The following APBB2 variants were observed in gnomAD, a reference collection of about 807,000 sequenced individuals.
APBB2 encodes the protein Fe65-like 1.
Under a neutral mutation model 82.5 loss-of-function variants are expected in APBB2, and 38 were observed. The ratio of observed to expected loss-of-function variants is 0.46; its 90% CI spans 0.36 to 0.60. APBB2 has a LOEUF of 0.60. Among genes scored for constraint, APBB2 ranks in the 20% least tolerant of loss-of-function variants. The pLI is 0.00. For missense variants in APBB2, 772 were observed against 972.3 expected (o/e 0.79, Z 2.74); for synonymous variants, 341 against 368.2 (o/e 0.93, Z 0.85).
chr4:40,890,722 T>A (rs1771763365), intron 11 of APBB2: 3 of 447,258 alleles, frequency 6.7e-6, no homozygotes, highest in South Asian at 8.3e-5. Context: ...TGTGTCCCCA[T>A]CCTGCTTTCC....
chr4:40,946,254 A>AAAAACAAAAAAAAAC lies in APBB2; in HGVS notation c.836-1182_836-1181insGTTTTTTTTTGTTTT, dbSNP rs1553875174. On this transcript the variant is annotated intron_variant, in intron 6 of 17. Coordinates refer to ENST00000508593, the MANE Select transcript of APBB2 (RefSeq NM_004307.2). ...CTCCAAAAAAAAAAAAAAAAAAAAA[A>AAAAACAAAAAAAAAC]CATTCCCAAGGAAAGCAGATTGGAA... is the stretch of plus-strand genomic sequence containing the variant. 2.6e-5 allele frequency among the ~76,000 whole-genome samples: 3 copies of AAAAACAAAAAAAAAC among 114,612 alleles called. 1 individual carries two copies. The highest frequency in any genetic ancestry group is 3.0e-4 in the South Asian group (1 of 3,368). 75.2% of individuals were successfully genotyped at this position (114,612 alleles called of 152,430 possible).
rs145602568 is a variant in APBB2, at chr4:41,010,247, C to T, written c.835+3336G>A. On this transcript the variant is annotated intron_variant, in intron 6 of 17. Coordinates refer to ENST00000508593, the MANE Select transcript of APBB2 (RefSeq NM_004307.2). ...ATTTTTTAAAAACACAATCTCATTG[C>T]TTTTCGGTCACAGCTAATACATTTT... Among the ~76,000 whole-genome samples the T allele has an allele frequency of 2.3e-3, 355 of 152,260 alleles. 1 individual carries two copies. Among genetic ancestry groups the T allele is most frequent in the Non-Finnish European group, 4.2e-3 (289 of 68,010 alleles).
At chr4:40,982,703 A>G (rs1473237809) in intron 6 of APBB2, among the ~76,000 whole-genome samples, 1 of 152,010 alleles carries the variant, frequency 6.6e-6, no homozygotes, top group Non-Finnish European at 1.5e-5. Context: ...AGGCGGGAGG[A>G]TCACTTGAGC....
intron 4 of APBB2, among the ~76,000 whole-genome samples, chr4:41,056,413 A>G (rs553669186): frequency 1.1e-4 from 16 of 152,172 alleles, no homozygotes; most frequent in African/African-American, 3.9e-4. Context: ...TCTGAATTGC[A>G]TTCCTCCCCA....
At chr4:40,863,083 G>A (rs1243599396) in intron 12 of APBB2, among the ~76,000 whole-genome samples, 2 of 152,194 alleles carry the variant, frequency 1.3e-5, no homozygotes, top group Non-Finnish European at 2.9e-5. Context: ...ACTGGAGGAT[G>A]GGATGCTGCA....
At chr4:40,991,924 T>G (rs1042245526) in intron 6 of APBB2, among the ~76,000 whole-genome samples, 1 of 152,164 alleles carries the variant, frequency 6.6e-6, no homozygotes, top group Non-Finnish European at 1.5e-5. Flanking sequence ...CAATTCTACC[T>G]GTGAGGGTGT....
intron 12 of APBB2, chr4:40,880,873 T>A (rs1178561846): frequency 2.0e-6 from 2 of 985,258 alleles, no homozygotes; most frequent in Non-Finnish European, 2.4e-6. Flanking sequence ...GAGCCAGAGT[T>A]ACCAAAATGG....
At chr4:41,066,027 G>A (rs1731663223) in intron 3 of APBB2, among the ~76,000 whole-genome samples, 1 of 151,924 alleles carries the variant, frequency 6.6e-6, no homozygotes, top group African/African-American at 2.4e-5. Flanking sequence ...GAATAGCACT[G>A]CCTGGCTGTT....
chr4:40,870,728 C>T (rs533296147), intron 12 of APBB2, among the ~76,000 whole-genome samples: 9 of 149,790 alleles, frequency 6.0e-5, no homozygotes, highest in African/African-American at 2.2e-4. Context: ...TGTGTGTATA[C>T]ACACTCTTTT....
intron 3 of APBB2, among the ~76,000 whole-genome samples, chr4:41,098,254 A>G (rs1744231586): frequency 6.6e-6 from 1 of 152,122 alleles, no homozygotes; most frequent in Non-Finnish European, 1.5e-5. Flanking sequence ...GTGTGATCAT[A>G]GCTCACTGCA....
At chr4:40,893,171 G>T in intron 11 of APBB2, 94 bp downstream of exon 11, 2 of 1,446,088 alleles carry the variant, frequency 1.4e-6, no homozygotes, top group Non-Finnish European at 1.9e-6. Flanking sequence ...ACACCTCGGA[G>T]CCCCTCAGTA....
At chr4:40,837,412 A>G (rs1003556115) in intron 12 of APBB2, among the ~76,000 whole-genome samples, 4 of 152,226 alleles carry the variant, frequency 2.6e-5, no homozygotes, top group African/African-American at 9.6e-5. Flanking sequence ...AGCCATACTC[A>G]TTAACCGGGC....
chr4:40,818,680 G>A (rs1166217240), intron 17 of APBB2, among the ~76,000 whole-genome samples: 1 of 152,128 alleles, frequency 6.6e-6, no homozygotes, highest in African/African-American at 2.4e-5. Context: ...CATATTCAGG[G>A]TGTCTGAGTT....
At chr4:40,838,584 C>T (rs1250879736) in intron 12 of APBB2, among the ~76,000 whole-genome samples, 2 of 152,146 alleles carry the variant, frequency 1.3e-5, no homozygotes, top group Non-Finnish European at 2.9e-5. Flanking sequence ...ATCCGCCTGC[C>T]TCGGCCTCTC....
intron 12 of APBB2, among the ~76,000 whole-genome samples, chr4:40,874,458 G>C (rs1766331255): frequency 6.6e-6 from 1 of 152,028 alleles, no homozygotes; most frequent in Admixed American, 6.5e-5. Context: ...GAATGCAATG[G>C]AAGTGCTGTT....
intron 12 of APBB2, among the ~76,000 whole-genome samples, chr4:40,884,683 A>G (rs1769693825): frequency 6.6e-6 from 1 of 151,512 alleles, no homozygotes; most frequent in South Asian, 2.1e-4. Flanking sequence ...GGATCGCTTG[A>G]GCCCAGGAAT....
chr4:40,968,281 T>C (rs1795142600), intron 6 of APBB2, among the ~76,000 whole-genome samples: 1 of 152,154 alleles, frequency 6.6e-6, no homozygotes, highest in South Asian at 2.1e-4. Context: ...TTAGTCAATA[T>C]ATAAAATTGT....
intron 10 of APBB2, among the ~76,000 whole-genome samples, chr4:40,907,351 AT>A (rs1777116153): frequency 1.4e-5 from 1 of 70,386 alleles, no homozygotes; most frequent in Non-Finnish European, 2.8e-5. Context: ...TATATTACAT[AT>A]ATATATATAT....
intron 2 of APBB2, among the ~76,000 whole-genome samples, chr4:41,139,503 A>G (rs1393040364): frequency 2.6e-5 from 4 of 152,222 alleles, no homozygotes; most frequent in African/African-American, 4.8e-5. Flanking sequence ...GTAACTGCCA[A>G]AACTTGGAAG....
Sources: allele counts gnomAD v4.1 joint callset (sites outside exome capture counted in the v4.1 genomes callset), GRCh38; gene constraint gnomAD v4.1.1; transcripts MANE v1.5; gene names NCBI Gene and HGNC (gene_info 2026-07-23, HGNC 2026-07-21).